The following CCDC77 variants were observed in gnomAD, a reference collection of about 807,000 sequenced individuals.
CCDC77 encodes coiled-coil domain containing 77.
In CCDC77, 56 loss-of-function variants were observed where a neutral mutation model predicts 66.8. That is an observed-to-expected ratio of 0.84 (90% CI 0.68 to 1.05). The LOEUF (loss-of-function observed/expected upper bound fraction) is 1.05. Among genes scored for constraint, CCDC77 ranks in the 50% least tolerant of loss-of-function variants. CCDC77 has a pLI of 0.00. For synonymous variants in CCDC77, 196 were observed against 195.2 expected (o/e 1.00, Z -0.03); for missense variants, 570 against 576.8 (o/e 0.99, Z 0.12).
chr12:390,364 T>C (rs1002689968), intron 1 of CCDC77, among the ~76,000 whole-genome samples: 8 of 152,202 alleles, frequency 5.3e-5, no homozygotes, highest in South Asian at 2.1e-4. Context: ...AACATCTTTT[T>C]TAATTGCTGA....
At chr12:412,984 G>A (rs1407894542) in intron 4 of CCDC77, among the ~76,000 whole-genome samples, 2 of 151,886 alleles carry the variant, frequency 1.3e-5, no homozygotes, top group African/African-American at 4.8e-5. Flanking sequence ...TGTCGCCCAG[G>A]CTGGAGTGCA....
upstream of CCDC77, among the ~76,000 whole-genome samples, chr12:400,753 T>G (rs1467744928): frequency 6.6e-6 from 1 of 152,160 alleles, no homozygotes; most frequent in Non-Finnish European, 1.5e-5. Context: ...ACAATAATTA[T>G]GAAAAAGTTT....
At chr12:441,591 A>G (rs1945858775) in intron 12 of CCDC77, among the ~76,000 whole-genome samples, 183 bp from the exon 13 acceptor site, 1 of 152,134 alleles carries the variant, frequency 6.6e-6, no homozygotes, top group African/African-American at 2.4e-5. Context: ...GATTTTCATG[A>G]GATTTCTGCC....
At chr12:390,736 AAC>A (rs58938735) in intron 1 of CCDC77, among the ~76,000 whole-genome samples, 1,812 of 149,410 alleles carry the variant, frequency 0.012, 43 homozygotes, top group African/African-American at 0.04. Context: ...TATCTTTATA[AAC>A]ACACACACAC....
chr12:400,101 C>T (rs1189818270), upstream of CCDC77, among the ~76,000 whole-genome samples: 1 of 152,246 alleles, frequency 6.6e-6, no homozygotes, highest in Non-Finnish European at 1.5e-5. Context: ...TTTTAAGTAA[C>T]GGAAATAGCT....
intron 9 of CCDC77, among the ~76,000 whole-genome samples, chr12:433,651 C>CAAA (rs74643579): frequency 8.2e-6 from 1 of 121,360 alleles, no homozygotes; most frequent in Non-Finnish European, 1.8e-5. Context: ...GACCCTGTCT[C>CAAA]AAAAAAAAAA....
At chr12:414,478 C>A (rs1278837843) in intron 4 of CCDC77, among the ~76,000 whole-genome samples, 1 of 152,198 alleles carries the variant, frequency 6.6e-6, no homozygotes, top group Non-Finnish European at 1.5e-5. Context: ...TCTTTCCTTA[C>A]TCTTAAATTT....
intron 9 of CCDC77, among the ~76,000 whole-genome samples, chr12:438,121 C>T (rs564986328): frequency 6.6e-6 from 1 of 152,260 alleles, no homozygotes. Context: ...AAAGACCAGT[C>T]TATGAACCAG....
chr12:433,867 G>A (rs1945698573), intron 9 of CCDC77, among the ~76,000 whole-genome samples: 1 of 152,138 alleles, frequency 6.6e-6, no homozygotes, highest in South Asian at 2.1e-4. Flanking sequence ...TTTGTCCCAA[G>A]AAAGGCAGGA....
intron 11 of CCDC77, 31 bp from the exon 12 acceptor site, chr12:440,808 CACCTT>C (rs1945844176): frequency 2.5e-6 from 4 of 1,612,946 alleles, no homozygotes; most frequent in Non-Finnish European, 3.4e-6. Context: ...ACGCTTCCCT[CACCTT>C]CGTAAATGCC....
Position 440,966 on chromosome 12 carries a change from A to G in CCDC77, c.1290A>G (p.Lys430=). ...CAGATATTAAAGTTCTCCGACAGAAACTGAAAGACTTGGAGCAAATGTTGT... is the reference window on the plus strand; with the variant it reads ...CAGATATTAAAGTTCTCCGACAGAAGCTGAAAGACTTGGAGCAAATGTTGT... ...FKTDIKVLRQ[K]LKDLEQMLYK... Residue 430 remains lysine (K), a synonymous_variant, in exon 12 of 13, where the codon AAA becomes AAG. Coordinates refer to ENST00000239830, the MANE Select transcript of CCDC77 (RefSeq NM_032358.4). 1 of 1,612,682 alleles carries G rather than the reference A, an allele frequency of 6.2e-7. No homozygotes were observed. The highest frequency in any genetic ancestry group is 8.5e-7 in the Non-Finnish European group (1 of 1,180,022).
chr12:390,594 A>G (rs1464735004), intron 1 of CCDC77, among the ~76,000 whole-genome samples: 1 of 152,168 alleles, frequency 6.6e-6, no homozygotes, highest in Admixed American at 6.5e-5. Context: ...GCAAGAAGGA[A>G]TTTTGCCAGT....
intron 5 of CCDC77, among the ~76,000 whole-genome samples, chr12:422,444 C>G (rs1565571637): frequency 6.6e-6 from 1 of 152,236 alleles, no homozygotes; most frequent in Non-Finnish European, 1.5e-5. Flanking sequence ...CCCCGTTACC[C>G]CAGTTCCTGG....
chr12:429,322 CT>C (rs1487653612), intron 6 of CCDC77, among the ~76,000 whole-genome samples: 6 of 152,102 alleles, frequency 3.9e-5, no homozygotes, highest in Non-Finnish European at 8.8e-5. Flanking sequence ...ACTTCCATCT[CT>C]TTCTTCATTC....
chr12:424,736 CTT>C (rs1414481760), intron 5 of CCDC77, among the ~76,000 whole-genome samples: 2 of 152,100 alleles, frequency 1.3e-5, no homozygotes, highest in African/African-American at 4.8e-5. Flanking sequence ...TGTCAGGAAA[CTT>C]TTCTCCTATG....
In CCDC77 at chr12:416,069, G is replaced by A. The variant is rs1326211178; in HGVS notation, c.271-2425G>A. Reference sequence around the variant, plus strand: ...GACCCATCTGGCTCGGCCTCCCAAGGTGCTGAGATTACAGGTGTGAGCCAC... The same window carrying A: ...GACCCATCTGGCTCGGCCTCCCAAGATGCTGAGATTACAGGTGTGAGCCAC... On this transcript the variant is annotated intron_variant, in intron 4 of 12. Transcript: ENST00000239830. Among the ~76,000 whole-genome samples the A allele has an allele frequency of 2.6e-5, 4 of 151,402 alleles. No individual in the cohort carries two copies. In the East Asian group the frequency reaches 7.8e-4, roughly 30 times the overall value.
Position 408,910 on chromosome 12 carries a change from A to G in CCDC77, c.-16-458A>G, listed in dbSNP as rs1054387977. 1.1e-4 allele frequency among the ~76,000 whole-genome samples: 17 copies of G among 152,320 alleles called. No individual in the cohort carries two copies. In the East Asian group the frequency reaches 2.9e-3, roughly 26 times the overall value. ...TTCAGGATTTGGAGATACTTTAAAGAATACTACATTTTAGGCCGGGCGTGG... is the reference window on the plus strand; with the variant it reads ...TTCAGGATTTGGAGATACTTTAAAGGATACTACATTTTAGGCCGGGCGTGG... On this transcript the variant is annotated intron_variant, in intron 2 of 12. Transcript: ENST00000239830.
At chr12:398,980 G>C (rs1944863215), upstream of CCDC77, among the ~76,000 whole-genome samples, 1 of 151,932 alleles carries the variant, frequency 6.6e-6, no homozygotes. Context: ...ATGCACTCCT[G>C]AGCTTAAGTG....
chr12:426,854 A>G (rs769305283), intron 5 of CCDC77, among the ~76,000 whole-genome samples: 36 of 152,156 alleles, frequency 2.4e-4, no homozygotes, highest in Non-Finnish European at 4.4e-4. Context: ...ATAAATGGCT[A>G]TAGACCCTTT....
Sources: allele counts gnomAD v4.1 joint callset (sites outside exome capture counted in the v4.1 genomes callset), GRCh38; gene constraint gnomAD v4.1.1; transcripts MANE v1.5; gene names NCBI Gene and HGNC (gene_info 2026-07-23, HGNC 2026-07-21).